ZMYND8: variants seen among roughly 807,000 people sequenced by gnomAD.
ZMYND8 encodes zinc finger MYND-type containing 8, also known as MYND-type zinc finger-containing chromatin reader ZMYND8.
ZMYND8 carries 37 observed loss-of-function variants against 140.8 expected under a neutral mutation model. The ratio of observed to expected loss-of-function variants is 0.26; its 90% CI spans 0.20 to 0.35. The LOEUF (loss-of-function observed/expected upper bound fraction) is 0.35, where lower values mean the gene tolerates loss of function less well. Among genes scored for constraint, ZMYND8 ranks in the 10% least tolerant of loss-of-function variants. The pLI is 1.00. For synonymous variants in ZMYND8, 592 were observed against 597.1 expected (o/e 0.99, Z 0.12); for missense variants, 1,068 against 1,570.0 (o/e 0.68, Z 5.40).
chr20:47,317,416 C>A (rs929323136), intron 2 of ZMYND8, among the ~76,000 whole-genome samples: 2 of 152,064 alleles, frequency 1.3e-5, no homozygotes, highest in East Asian at 1.9e-4. Flanking sequence ...CTCCTGCCCC[C>A]ACATCCGGTG....
intron 2 of ZMYND8, among the ~76,000 whole-genome samples, chr20:47,322,526 C>T (rs965617812): frequency 6.6e-6 from 1 of 150,840 alleles, no homozygotes; most frequent in Non-Finnish European, 1.5e-5. Flanking sequence ...CTGCGACCTC[C>T]GCCTCCTGGG....
chr20:47,242,153 A>G (rs901976331), intron 14 of ZMYND8, among the ~76,000 whole-genome samples: 1 of 152,134 alleles, frequency 6.6e-6, no homozygotes, highest in African/African-American at 2.4e-5. Flanking sequence ...TACCCAGAAA[A>G]AGACATGAGC....
chr20:47,217,302 T>C (rs1347724422), intron 21 of ZMYND8, among the ~76,000 whole-genome samples: 2 of 152,202 alleles, frequency 1.3e-5, no homozygotes, highest in Non-Finnish European at 2.9e-5. Flanking sequence ...ATTTTATAGG[T>C]GTCCACCTAA....
Position 47,210,099 on chromosome 20 carries a change from CA to C in ZMYND8, c.*661del. On this transcript the variant is annotated 3_prime_UTR_variant, in exon 23 of 23. Transcript: ENST00000471951. ...TTAGGAGTAGAGTCATCATTTCAAT[CA>C]CATGAAAGAAACTAGCTTCTCCCTG... 1 of 152,676 alleles carries C rather than the reference CA, an allele frequency of 6.5e-6. No individual in the cohort carries two copies. Among genetic ancestry groups the C allele is most frequent in the East Asian group, 1.9e-4 (1 of 5,198 alleles). The allele number at this position is 152,676 out of a possible 1,614,324, so 9.5% of individuals were successfully genotyped here.
At chr20:47,347,726 A>T in intron 2 of ZMYND8, 130 bp downstream of exon 2, 1 of 887,392 alleles carries the variant, frequency 1.1e-6, no homozygotes, top group Non-Finnish European at 1.7e-6. Flanking sequence ...AAAAAATCTT[A>T]TATCTGAAAA....
intron 17 of ZMYND8, among the ~76,000 whole-genome samples, chr20:47,227,789 G>A (rs1031834165): frequency 6.6e-6 from 1 of 152,144 alleles, no homozygotes; most frequent in African/African-American, 2.4e-5. Context: ...GATCTGATAG[G>A]AAACTAATTA....
At chr20:47,349,830 ATT>A in intron 1 of ZMYND8, 1 of 1,529,074 alleles carries the variant, frequency 6.5e-7, no homozygotes, top group Admixed American at 2.0e-5. Flanking sequence ...GAGGGAAACA[ATT>A]ATGCAGAACT....
chr20:47,343,046 A>G (rs1167798165), intron 2 of ZMYND8, among the ~76,000 whole-genome samples: 4 of 152,100 alleles, frequency 2.6e-5, no homozygotes. Flanking sequence ...TTGGGAGGCC[A>G]AAGTGGTAGG....
chr20:47,293,657 T>C (rs190040749), intron 5 of ZMYND8, among the ~76,000 whole-genome samples: 3 of 152,350 alleles, frequency 2.0e-5, no homozygotes, highest in Admixed American at 2.0e-4. Flanking sequence ...CTAACTCCCA[T>C]GGGAAGGAGC....
rs145532017 is a variant in ZMYND8 at position 47,220,396 on chromosome 20, G to T, written c.3418-72C>A. 139 of 1,253,452 alleles carry T rather than the reference G, an allele frequency of 1.1e-4. No individual in the cohort carries two copies. The African/African-American group carries it at 1.9e-3, about 17-fold the overall frequency. 77.6% of individuals were successfully genotyped at this position (1,253,452 alleles called of 1,614,324 possible). On this transcript the variant is annotated intron_variant, in intron 20 of 22. Coordinates refer to ENST00000471951, the MANE Select transcript of ZMYND8 (RefSeq NM_001281775.3). ...TGTCGCCCCCACAGGGAAATCCAGG[G>T]AGTCATGGGGGTGCTCATCGCTGCC...
At chr20:47,318,729 C>T (rs2079629721) in intron 2 of ZMYND8, 1 of 462,592 alleles carries the variant, frequency 2.2e-6, no homozygotes, top group Non-Finnish European at 4.3e-6. Context: ...TGAGCCCTCT[C>T]CTCCAGAGGA....
intron 4 of ZMYND8, among the ~76,000 whole-genome samples, chr20:47,295,682 C>A (rs1314902563): frequency 6.6e-6 from 1 of 152,208 alleles, no homozygotes; most frequent in East Asian, 1.9e-4. Context: ...ACACAAGGAG[C>A]ACAACCTAAC....
At position 47,264,896 on chromosome 20, in the gene ZMYND8, G is replaced by A. The variant is rs558704422; in HGVS notation, c.1481-2468C>T. Among the ~76,000 whole-genome samples the A allele has an allele frequency of 1.7e-4, 26 of 152,018 alleles. No homozygotes were observed. In the East Asian group the frequency reaches 4.7e-3, roughly 27 times the overall value. ...CTAAAAATACAAAAAATTTAGCCGG[G>A]CATGGTGGCACACGCCTGTAGTCTC... On this transcript the variant is annotated intron_variant, in intron 11 of 22. Transcript: ENST00000471951.
At chr20:47,261,588 TCA>T (rs781050865) in intron 12 of ZMYND8, among the ~76,000 whole-genome samples, 24 of 88,892 alleles carry the variant, frequency 2.7e-4, no homozygotes, top group African/African-American at 6.6e-4. Context: ...ATCATCATCA[TCA>T]TCATCCAGGG....
chr20:47,313,864 C>A (rs529526018), intron 2 of ZMYND8, among the ~76,000 whole-genome samples: 37 of 151,914 alleles, frequency 2.4e-4, no homozygotes, highest in African/African-American at 8.9e-4. Context: ...GCCCAGGAGG[C>A]AGGGGTTGCA....
intron 2 of ZMYND8, among the ~76,000 whole-genome samples, chr20:47,317,456 G>A (rs1442213958): frequency 2.6e-5 from 4 of 151,946 alleles, no homozygotes; most frequent in Non-Finnish European, 5.9e-5. Flanking sequence ...CGTTCTCCAG[G>A]GGCTAGGAAA....
rs1340414951 is a variant in ZMYND8, at chr20:47,278,907, T to C, written c.999-2112A>G. The stretch of plus-strand genomic sequence containing the variant: ...GGCATCAGGGTCTCCAGTGCTGTCC[T>C]AGGGCAAATGACTCCCCCTTCCTGA... On this transcript the variant is annotated intron_variant, in intron 10 of 22. Coordinates refer to ENST00000471951, the MANE Select transcript of ZMYND8 (RefSeq NM_001281775.3). Among the ~76,000 whole-genome samples, 4 of 152,008 alleles carry C rather than the reference T, an allele frequency of 2.6e-5. 1 individual carries two copies. In the South Asian group the frequency reaches 6.2e-4, roughly 24 times the overall value.
At chr20:47,245,125 C>T (rs190326672) in intron 14 of ZMYND8, among the ~76,000 whole-genome samples, 56 of 152,302 alleles carry the variant, frequency 3.7e-4, no homozygotes, top group Non-Finnish European at 6.5e-4. Flanking sequence ...CTAAGAAGCA[C>T]TCAGTATTCT....
rs191103777 is a variant in ZMYND8 at position 47,241,678 on chromosome 20, G to T, written c.2285-2540C>A. 7.4e-3 allele frequency among the ~76,000 whole-genome samples: 1,133 copies of T among 152,110 alleles called. 18 individuals carry two copies. The highest frequency in any genetic ancestry group is 0.026 in the African/African-American group (1,066 of 41,462). The stretch of plus-strand genomic sequence containing the variant: ...TATGGATGCACAGGCCTCAGCCCCC[G>T]GTAAGGTGAGCCTATGCCCCAGAGA... On this transcript the variant is annotated intron_variant, in intron 14 of 22. Coordinates refer to ENST00000471951, the MANE Select transcript of ZMYND8 (RefSeq NM_001281775.3).
Sources: gnomAD v4.1 joint callset for allele counts (sites outside exome capture counted in the v4.1 genomes callset) on GRCh38, gnomAD v4.1.1 for gene constraint, MANE v1.5 for transcripts, NCBI Gene and HGNC (gene_info 2026-07-23, HGNC 2026-07-21) for gene names.